The following SZT2 variants were observed in gnomAD, a reference collection of about 807,000 sequenced individuals.
SZT2 encodes the protein SZT2 subunit of KICSTOR complex.
In SZT2, 216 loss-of-function variants were observed where a neutral mutation model predicts 404.2. That is an observed-to-expected ratio of 0.53 (90% CI 0.48 to 0.60). SZT2 has a LOEUF of 0.60. Ranked by LOEUF, SZT2 falls within the 20% of genes least tolerant of loss-of-function variation. The pLI, the probability that SZT2 is intolerant of heterozygous loss-of-function variation, is 0.00. For missense variants in SZT2, 3,857 were observed against 4,459.2 expected (o/e 0.86, Z 3.85); for synonymous variants, 1,693 against 1,749.9 (o/e 0.97, Z 0.81).
rs777073453 is a variant in SZT2, at chr1:43,451,405, CTCACCTCGAGGCT to C, written c.*926_*938del. 84 of 1,612,488 alleles carry C rather than the reference CTCACCTCGAGGCT, an allele frequency of 5.2e-5. 1 individual carries two copies. The East Asian group carries it at 1.8e-3, about 35-fold the overall frequency. On this transcript the variant is annotated 3_prime_UTR_variant, in exon 72 of 72. Coordinates refer to ENST00000634258, the MANE Select transcript of SZT2 (RefSeq NM_001365999.1). ...AGAGCTCCCTTCCCCAGGGCCACGC[CTCACCTCGAGGCT>C]GATACTCACAGCCCACGAAGCCTTT...
Position 43,453,927 on chromosome 1 carries a change from C to G in SZT2, c.*3447C>G, listed in dbSNP as rs746279560. 2.7e-5 allele frequency: 32 copies of G among 1,205,640 alleles called. No individual in the cohort carries two copies. Among genetic ancestry groups the G allele is most frequent in the Non-Finnish European group, 3.3e-5 (32 of 971,428 alleles). The allele number at this position is 1,205,640 out of a possible 1,614,324, so 74.7% of individuals were successfully genotyped here. ...CGAGCACTGTTCGTGGTTAGAAAAG[C>G]GAAGTGCTGTAAAAACCCGGGCCTT... is the stretch of plus-strand genomic sequence containing the variant. On this transcript the variant is annotated 3_prime_UTR_variant, in exon 72 of 72. Transcript: ENST00000634258.
intron 25 of SZT2, 38 bp from the exon 26 acceptor site, chr1:43,427,492 A>T: frequency 1.2e-6 from 2 of 1,613,518 alleles, no homozygotes; most frequent in Non-Finnish European, 1.7e-6. Context: ...TGGGAAACAG[A>T]TAGAGCTGGA....
Position 43,441,235 on chromosome 1 carries a change from T to G in SZT2, c.7366T>G (p.Leu2456Val), listed in dbSNP as rs553982393. The G allele has an allele frequency of 1.2e-6, 2 of 1,614,174 alleles. No individual in the cohort carries two copies. The highest frequency in any genetic ancestry group is 1.1e-5 in the South Asian group (1 of 91,084). ...DMLSKTECGD[L>V]GSPKTTDDIV... is the part of the protein sequence containing the mutation. ...CCAGAGTAAAACAGAATGTGGGGAT[T>G]TGGGTTCCCCCAAAACAACTGATGA... Residue 2456 changes from leucine (L) to valine (V), a missense_variant, in exon 53 of 72, where the codon TTG becomes GTG. By Grantham distance (32) the Leu-to-Val change is conservative. Transcript: ENST00000634258. The surrounding 1 kb of genome is among the most constrained non-coding windows in gnomAD (Gnocchi z 4.8).
chr1:43,415,857 G>T, intron 5 of SZT2, 103 bp from the exon 6 acceptor site: 4 of 1,357,644 alleles, frequency 2.9e-6, no homozygotes, highest in Middle Eastern at 2.0e-4. Context: ...ACAGGATTCG[G>T]CCTGTCTGGC....
In SZT2 at chr1:43,452,128, G is replaced by T; in HGVS notation, c.*1648G>T. 6.7e-7 allele frequency: 1 copy of T among 1,487,898 alleles called. No homozygotes were observed. Among genetic ancestry groups the T allele is most frequent in the Non-Finnish European group, 9.3e-7 (1 of 1,074,942 alleles). The allele number at this position is 1,487,898 out of a possible 1,614,324, so 92.2% of individuals were successfully genotyped here. A position where few individuals can be genotyped will look rare whatever the true frequency, so the allele number is the denominator to read the frequency against. ...CTGACCTAGGCTGGCAGCCTCACGT[G>T]CTGTCCCCACTGTGCACCCCCTTCT... On this transcript the variant is annotated 3_prime_UTR_variant, in exon 72 of 72. Transcript: ENST00000634258.
At position 43,443,262 on chromosome 1, in the gene SZT2, A is replaced by G. The variant is rs750486509; in HGVS notation, c.8494A>G (p.Ile2832Val). ...GCGTTCTACCCCAGCCACCATGCCC[A>G]TCAGTGTGAGTGACCCCAGCTTGCA... ...QQRSTPATMPISAGELETLKQ... is the reference protein window; with the variant it reads ...QQRSTPATMPVSAGELETLKQ... The change falls in exon 60 of 72, where the codon ATC becomes GTC. Residue 2832 changes from isoleucine to valine, a missense_variant. Ile to Val is a conservative substitution (Grantham distance 29). Around this residue, in one of 7 missense-constraint regions of SZT2, gnomAD observed 717 missense variants for 868.2 expected, o/e 0.83. Coordinates refer to ENST00000634258, the MANE Select transcript of SZT2 (RefSeq NM_001365999.1). 6.2e-7 allele frequency: 1 copy of G among 1,614,130 alleles called. No individual in the cohort carries two copies.
intron 1 of SZT2, among the ~76,000 whole-genome samples, chr1:43,390,544 T>C (rs1323888357): frequency 1.3e-5 from 2 of 152,256 alleles, no homozygotes; most frequent in Admixed American, 1.3e-4. Context: ...TTTCCTTCTT[T>C]ATAAAATATC....
At position 43,391,828 on chromosome 1, in the gene SZT2, T is replaced by TTATATATTTAA. The variant is rs1648370618; in HGVS notation, c.27+1833_27+1834insTATATATTTAA. 6.2e-3 allele frequency among the ~76,000 whole-genome samples: 705 copies of TTATATATTTAA among 113,438 alleles called. 283 individuals carry two copies. Among genetic ancestry groups the TTATATATTTAA allele is most frequent in the Non-Finnish European group, 7.4e-3 (397 of 53,588 alleles). 74.4% of individuals were successfully genotyped at this position (113,438 alleles called of 152,430 possible). On this transcript the variant is annotated intron_variant, in intron 1 of 71. Coordinates refer to ENST00000634258, the MANE Select transcript of SZT2 (RefSeq NM_001365999.1). ...CGGGCGCGGTGGCTCACGCCTGTAATCCCAGCACTTTGGGAGGCCGAGGCG... is the reference window on the plus strand; with the variant it reads ...CGGGCGCGGTGGCTCACGCCTGTAATTATATATTTAACCCAGCACTTTGGGAGGCCGAGGCG...
In SZT2 at chr1:43,427,258, G is replaced by A. The variant is rs376041025; in HGVS notation, c.3434-23G>A. ...CCTCACTGGCCCACCAGGCAGCTCT[G>A]ATTTATGTCTGATCCTCTTCAGATG... On this transcript the variant is annotated intron_variant, in intron 24 of 71. Transcript: ENST00000634258. 4 of 1,605,804 alleles carry A rather than the reference G, an allele frequency of 2.5e-6. No individual in the cohort carries two copies. In the African/African-American group the frequency reaches 4.0e-5, roughly 16 times the overall value.
rs377256321 is a variant in SZT2, at chr1:43,438,687, G to C, written c.6509-12G>C. The stretch of plus-strand genomic sequence containing the variant: ...ACCAGTGTCCCCACCTTCCCACCAT[G>C]GCTGTGTCAAGGTCCTGAGATCACG... On this transcript the variant is annotated splice_polypyrimidine_tract_variant and intron_variant, in intron 46 of 71. Transcript: ENST00000634258. 37 of 1,612,550 alleles carry C rather than the reference G, an allele frequency of 2.3e-5. No individual in the cohort carries two copies. The highest frequency in any genetic ancestry group is 2.7e-5 in the African/African-American group (2 of 74,862).
intron 3 of SZT2, 31 bp from the exon 4 acceptor site, chr1:43,404,349 A>T: frequency 1.3e-6 from 2 of 1,589,908 alleles, no homozygotes; most frequent in Non-Finnish European, 1.7e-6. Context: ...CTGCCTTTGG[A>T]CCCCCTTGAG....
At position 43,453,558 on chromosome 1, in the gene SZT2, C is replaced by G; in HGVS notation, c.*3078C>G. On this transcript the variant is annotated 3_prime_UTR_variant, in exon 72 of 72. Transcript: ENST00000634258. Reference sequence around the variant, plus strand: ...CACTCCCCTGCCCGCGCCCCGGCACCCCCCAGCCCTCCCAGCCCTCCCGGC... The same window carrying G: ...CACTCCCCTGCCCGCGCCCCGGCACGCCCCAGCCCTCCCAGCCCTCCCGGC... 6.6e-7 allele frequency: 1 copy of G among 1,519,486 alleles called. No individual in the cohort carries two copies. The highest frequency in any genetic ancestry group is 1.3e-5 in the South Asian group (1 of 79,366). The allele number at this position is 1,519,486 out of a possible 1,614,324, so 94.1% of individuals were successfully genotyped here. A position where few individuals can be genotyped will look rare whatever the true frequency, so the allele number is the denominator to read the frequency against.
intron 1 of SZT2, among the ~76,000 whole-genome samples, chr1:43,391,908 T>C (rs1311618519): frequency 1.4e-5 from 1 of 72,550 alleles, no homozygotes; most frequent in Non-Finnish European, 2.9e-5. Context: ...GGTGAAACCC[T>C]GTCTCTACTA....
At position 43,448,905 on chromosome 1, in the gene SZT2, TTC is replaced by T. The variant is rs1656036337; in HGVS notation, c.10086+181_10086+182del. 4.6e-6 allele frequency: 3 copies of T among 645,854 alleles called. No homozygotes were observed. The highest frequency in any genetic ancestry group is 1.8e-5 in the African/African-American group (1 of 55,082). The allele number at this position is 645,854 out of a possible 1,614,324, so 40.0% of individuals were successfully genotyped here. On this transcript the variant is annotated intron_variant, in intron 70 of 71. Transcript: ENST00000634258. This position sits in a 1 kb window ranked among gnomAD's most constrained non-coding sequence, Gnocchi z 4.2. ...CCGGGCATCGAGCTACAGCATGTGATTCTCTGAGCAGCTCTGCCCTCAAAGAC... is the reference window on the plus strand; with the variant it reads ...CCGGGCATCGAGCTACAGCATGTGATTCTGAGCAGCTCTGCCCTCAAAGAC...
chr1:43,397,460 A>G (rs548694962), intron 1 of SZT2, among the ~76,000 whole-genome samples: 2 of 151,532 alleles, frequency 1.3e-5, no homozygotes, highest in Admixed American at 1.3e-4. Flanking sequence ...ATATGTAGAC[A>G]TGGCCTCCAC....
intron 63 of SZT2, 76 bp downstream of exon 63, chr1:43,446,060 A>G (rs1476587787): frequency 6.3e-7 from 1 of 1,588,206 alleles, no homozygotes; most frequent in Non-Finnish European, 8.6e-7. Flanking sequence ...ACCCTGAGTG[A>G]TGTACCGAGG....
At position 43,442,733 on chromosome 1, in the gene SZT2, G is replaced by C. The variant is rs1020641153; in HGVS notation, c.8152-86G>C. The C allele has an allele frequency of 6.5e-7, 1 of 1,535,414 alleles. No individual in the cohort carries two copies. Among genetic ancestry groups the C allele is most frequent in the Admixed American group, 1.9e-5 (1 of 52,236 alleles). ...GACTGAGGGCAGAGGTAGTGGGGAG[G>C]GAGAGTCTGAGAGAGGAAGCCCTGG... On this transcript the variant is annotated intron_variant, in intron 58 of 71. Transcript: ENST00000634258. The surrounding 1 kb of genome is among the most constrained non-coding windows in gnomAD (Gnocchi z 4.5).
intron 1 of SZT2, among the ~76,000 whole-genome samples, chr1:43,391,018 T>C (rs1235418423): frequency 6.6e-6 from 1 of 152,068 alleles, no homozygotes; most frequent in Non-Finnish European, 1.5e-5. Flanking sequence ...CACAGAGATA[T>C]TAAGAGTAAC....
chr1:43,416,505 C>G, intron 6 of SZT2, 30 bp from the exon 7 acceptor site: 5 of 1,583,882 alleles, frequency 3.2e-6, no homozygotes, highest in South Asian at 1.1e-5. Flanking sequence ...GCCAGTGTCT[C>G]CAGGTCTGAT....
Sources: allele counts gnomAD v4.1 joint callset (sites outside exome capture counted in the v4.1 genomes callset), GRCh38; gene constraint gnomAD v4.1.1; regional missense constraint gnomAD v4.1.1; non-coding constraint Gnocchi (gnomAD v3.1); transcripts MANE v1.5; gene names NCBI Gene and HGNC (gene_info 2026-07-23, HGNC 2026-07-21).